CRTC1: variants seen among roughly 807,000 people sequenced by gnomAD.
The protein encoded by CRTC1 is CREB regulated transcription coactivator 1.
CRTC1 carries 18 observed loss-of-function variants against 66.1 expected under a neutral mutation model. The observed-to-expected ratio is 0.27, with a 90% CI of 0.19 to 0.40. The LOEUF is 0.40. Ranked by LOEUF, CRTC1 falls within the 10% of genes least tolerant of loss-of-function variation. CRTC1 has a pLI of 1.00. For synonymous variants in CRTC1, 416 were observed against 398.8 expected, an observed-to-expected ratio of 1.04 and a Z score of -0.51; for missense variants, 669 against 887.9, an observed-to-expected ratio of 0.75 and a Z score of 3.13.
intron 1 of CRTC1, among the ~76,000 whole-genome samples, chr19:18,700,117 A>G (rs1361502823): frequency 6.6e-6 from 1 of 152,152 alleles, no homozygotes; most frequent in African/African-American, 2.4e-5. Context: ...CGTCACCACT[A>G]TAGCGGCTGA....
intron 8 of CRTC1, among the ~76,000 whole-genome samples, chr19:18,761,689 C>T (rs2054617685): frequency 6.6e-6 from 1 of 152,132 alleles, no homozygotes; most frequent in Admixed American, 6.6e-5. Flanking sequence ...TGAAATTGGC[C>T]AGCCTGGGAG....
At chr19:18,722,628 T>A (rs2053654839) in intron 1 of CRTC1, among the ~76,000 whole-genome samples, 1 of 152,238 alleles carries the variant, frequency 6.6e-6, no homozygotes, top group Non-Finnish European at 1.5e-5. Context: ...GGACATGATG[T>A]TCACATAACA....
chr19:18,686,503 C>T (rs1215674021), intron 1 of CRTC1, among the ~76,000 whole-genome samples: 1 of 152,092 alleles, frequency 6.6e-6, no homozygotes, highest in Non-Finnish European at 1.5e-5. Context: ...AAAAATTAGT[C>T]GGGTGTGGTG....
chr19:18,748,431 C>T (rs2054293051), intron 4 of CRTC1, among the ~76,000 whole-genome samples: 1 of 140,020 alleles, frequency 7.1e-6, no homozygotes, highest in Non-Finnish European at 1.5e-5. Flanking sequence ...GTTACCCAGG[C>T]TGGTCTCAAA....
At chr19:18,702,626 C>T (rs908247838) in intron 1 of CRTC1, among the ~76,000 whole-genome samples, 16 of 151,740 alleles carry the variant, frequency 1.1e-4, no homozygotes, top group Middle Eastern at 3.4e-3. Flanking sequence ...CTCCACCTCC[C>T]GGGTTCAAGC....
chr19:18,712,712 C>A (rs566932269), intron 1 of CRTC1, among the ~76,000 whole-genome samples: 1 of 152,060 alleles, frequency 6.6e-6, no homozygotes, highest in Non-Finnish European at 1.5e-5. Flanking sequence ...ATAATCCCAA[C>A]GCTTTGGGAG....
chr19:18,778,266 G>A lies in CRTC1; in HGVS notation c.*884G>A, dbSNP rs1001707271. 2 of 233,124 alleles carry A rather than the reference G, an allele frequency of 8.6e-6. No individual in the cohort carries two copies. The highest frequency in any genetic ancestry group is 2.2e-5 in the African/African-American group (1 of 45,350). 14.4% of individuals were successfully genotyped at this position (233,124 alleles called of 1,614,324 possible). A position where few individuals can be genotyped will look rare whatever the true frequency, so the allele number is the denominator to read the frequency against. On this transcript the variant is annotated 3_prime_UTR_variant, in exon 14 of 14. Coordinates refer to ENST00000321949, the MANE Select transcript of CRTC1 (RefSeq NM_015321.3). ...CTGTTAATTTAAGGTACAGGCAGAG[G>A]TGGCCAGGGGAGTTTCATTGTGGTT...
intron 1 of CRTC1, among the ~76,000 whole-genome samples, chr19:18,692,945 C>T (rs1209180507): frequency 4.7e-5 from 7 of 149,270 alleles, no homozygotes; most frequent in African/African-American, 1.2e-4. Flanking sequence ...CATGGTGGCA[C>T]GTGCCTGTAG....
At chr19:18,739,100 A>G (rs2054059015) in intron 1 of CRTC1, among the ~76,000 whole-genome samples, 1 of 152,236 alleles carries the variant, frequency 6.6e-6, no homozygotes, top group South Asian at 2.1e-4. Context: ...TCTGGCCCAC[A>G]GGCCATGAGT....
At chr19:18,728,130 C>A (rs1384299260) in intron 1 of CRTC1, among the ~76,000 whole-genome samples, 2 of 152,180 alleles carry the variant, frequency 1.3e-5, no homozygotes, top group Non-Finnish European at 2.9e-5. Flanking sequence ...AGACTGATAT[C>A]ATGCCCAAGA....
chr19:18,748,699 CA>C (rs759984138), intron 4 of CRTC1, among the ~76,000 whole-genome samples: 2,058 of 121,186 alleles, frequency 0.017, 21 homozygotes, highest in South Asian at 0.035. Context: ...GACCCTGTCT[CA>C]AAAAAAAAAA....
At chr19:18,696,038 A>T (rs1215697391) in intron 1 of CRTC1, among the ~76,000 whole-genome samples, 1 of 152,026 alleles carries the variant, frequency 6.6e-6, no homozygotes, top group African/African-American at 2.4e-5. Flanking sequence ...TACTGGCTAC[A>T]TGAGATGCAA....
intron 1 of CRTC1, among the ~76,000 whole-genome samples, chr19:18,737,062 A>G (rs2054012478): frequency 6.6e-6 from 1 of 151,922 alleles, no homozygotes; most frequent in African/African-American, 2.4e-5. Flanking sequence ...TCCCCTACCT[A>G]GGGGCTCCTG....
intron 1 of CRTC1, among the ~76,000 whole-genome samples, chr19:18,721,764 G>A (rs1600841340): frequency 1.3e-5 from 2 of 152,156 alleles, no homozygotes; most frequent in Non-Finnish European, 2.9e-5. Flanking sequence ...CAAAGTGTTG[G>A]GATTATAGGC....
At chr19:18,764,944 A>G (rs1473982109) in intron 8 of CRTC1, among the ~76,000 whole-genome samples, 4 of 152,086 alleles carry the variant, frequency 2.6e-5, no homozygotes, top group Non-Finnish European at 4.4e-5. Context: ...AAAACCATTT[A>G]TTGTCTCCTG....
intron 1 of CRTC1, among the ~76,000 whole-genome samples, chr19:18,688,282 G>C (rs1338253257): frequency 6.6e-6 from 1 of 152,134 alleles, no homozygotes; most frequent in African/African-American, 2.4e-5. Flanking sequence ...GAGCACTTCA[G>C]ATTGGGGACA....
chr19:18,770,591 T>C (rs2054839604), intron 10 of CRTC1, among the ~76,000 whole-genome samples: 1 of 152,152 alleles, frequency 6.6e-6, no homozygotes, highest in Non-Finnish European at 1.5e-5. Context: ...GTTGTGGGTG[T>C]GCACAAGTGG....
intron 6 of CRTC1, among the ~76,000 whole-genome samples, chr19:18,754,362 A>C (rs1169948460): frequency 6.6e-6 from 1 of 152,138 alleles, no homozygotes; most frequent in Non-Finnish European, 1.5e-5. Context: ...CTCTACAAAA[A>C]ATGAGCCAGG....
intron 1 of CRTC1, among the ~76,000 whole-genome samples, chr19:18,735,998 G>A (rs932103517): frequency 6.6e-6 from 1 of 152,216 alleles, no homozygotes; most frequent in African/African-American, 2.4e-5. Flanking sequence ...GGACACTGCC[G>A]TGGTGGGGCG....
Sources: allele counts gnomAD v4.1 joint callset (sites outside exome capture counted in the v4.1 genomes callset), GRCh38; gene constraint gnomAD v4.1.1; transcripts MANE v1.5; gene names NCBI Gene and HGNC (gene_info 2026-07-23, HGNC 2026-07-21).